COL23A1: variants seen among roughly 807,000 people sequenced by gnomAD.
The protein encoded by COL23A1 is collagen alpha-1(XXIII) chain.
COL23A1 carries 97 observed loss-of-function variants against 99.3 expected under a neutral mutation model. The ratio of observed to expected loss-of-function variants is 0.98; its 90% CI spans 0.83 to 1.16. The LOEUF is 1.16. Ranked by LOEUF, COL23A1 falls within the 50% of genes most tolerant of loss-of-function variation. COL23A1 has a pLI of 0.00. For synonymous variants in COL23A1, 320 were observed against 308.2 expected (o/e 1.04, Z -0.40); for missense variants, 762 against 757.4 (o/e 1.01, Z -0.07).
At chr5:178,311,293 C>G (rs1344267930) in intron 2 of COL23A1, among the ~76,000 whole-genome samples, 1 of 152,118 alleles carries the variant, frequency 6.6e-6, no homozygotes. Context: ...GTTTCCAACT[C>G]GGGAGGATAG....
At chr5:178,462,529 CG>C (rs1181288061) in intron 2 of COL23A1, among the ~76,000 whole-genome samples, 3 of 152,160 alleles carry the variant, frequency 2.0e-5, no homozygotes, top group African/African-American at 7.2e-5. Context: ...TTAAGAGCTT[CG>C]AGTTTCTATA....
intron 2 of COL23A1, among the ~76,000 whole-genome samples, chr5:178,373,745 A>T (rs1440645697): frequency 6.6e-6 from 1 of 152,164 alleles, no homozygotes; most frequent in Non-Finnish European, 1.5e-5. Flanking sequence ...GAAGAGATGA[A>T]TCTGGACAAA....
At chr5:178,569,845 T>C (rs573955516) in intron 1 of COL23A1, among the ~76,000 whole-genome samples, 1 of 152,272 alleles carries the variant, frequency 6.6e-6, no homozygotes, top group East Asian at 1.9e-4. Context: ...CACCCCTTCA[T>C]GCTGCACATC....
chr5:178,300,293 C>T (rs1757963321), intron 3 of COL23A1, among the ~76,000 whole-genome samples: 1 of 150,130 alleles, frequency 6.7e-6, no homozygotes, highest in South Asian at 2.1e-4. Context: ...GTCTTGAACT[C>T]CTGACCTTGT....
At chr5:178,312,750 T>C (rs911663938) in intron 2 of COL23A1, among the ~76,000 whole-genome samples, 5 of 152,246 alleles carry the variant, frequency 3.3e-5, no homozygotes, top group Non-Finnish European at 7.4e-5. Flanking sequence ...TCCTGACTGG[T>C]TGCTCCGCCC....
chr5:178,394,569 G>A (rs1053780477), intron 2 of COL23A1, among the ~76,000 whole-genome samples: 3 of 152,226 alleles, frequency 2.0e-5, no homozygotes, highest in African/African-American at 7.2e-5. Context: ...GCTAAACTGT[G>A]TGGCCTGAAG....
Position 178,495,197 on chromosome 5 carries a change from G to A in COL23A1, c.361+65485C>T, listed in dbSNP as rs118078182. On this transcript the variant is annotated intron_variant, in intron 2 of 28. Coordinates refer to ENST00000390654, the MANE Select transcript of COL23A1 (RefSeq NM_173465.4). ...CTGCACTGCAGGCTCCCTGCACCCC[G>A]CCCATCAGCAGCAGGGCTCCCGGTG... Among the ~76,000 whole-genome samples, 2,162 of 152,304 alleles carry A rather than the reference G, an allele frequency of 0.014. 145 individuals are homozygous for A. The East Asian group carries it at 0.2, about 14-fold the overall frequency.
intron 2 of COL23A1, among the ~76,000 whole-genome samples, chr5:178,534,832 T>C (rs531949462): frequency 6.6e-6 from 1 of 152,150 alleles, no homozygotes; most frequent in South Asian, 2.1e-4. Context: ...ACGACCAGAT[T>C]ACAGTACAGG....
chr5:178,419,359 G>A (rs112484422), intron 2 of COL23A1, among the ~76,000 whole-genome samples: 19 of 152,306 alleles, frequency 1.2e-4, no homozygotes, highest in Non-Finnish European at 2.1e-4. Flanking sequence ...GAGCCAAGGC[G>A]AGCCTCCACC....
At chr5:178,373,388 G>T (rs1418334687) in intron 2 of COL23A1, among the ~76,000 whole-genome samples, 1 of 152,104 alleles carries the variant, frequency 6.6e-6, no homozygotes, top group Non-Finnish European at 1.5e-5. Context: ...GAACCTCCAA[G>T]GTGTCCTGCC....
At chr5:178,413,603 C>G (rs1049256798) in intron 2 of COL23A1, among the ~76,000 whole-genome samples, 1 of 152,200 alleles carries the variant, frequency 6.6e-6, no homozygotes, top group African/African-American at 2.4e-5. Flanking sequence ...GAAAGACAGA[C>G]AGCTGATCAA....
chr5:178,247,670 CGAA>C (rs775704959), intron 21 of COL23A1, 102 bp downstream of exon 21: 172 of 1,550,100 alleles, frequency 1.1e-4, no homozygotes, highest in Non-Finnish European at 1.5e-4. Flanking sequence ...CCTCCCTGAA[CGAA>C]GAAGCCCGCT....
At position 178,479,437 on chromosome 5, in the gene COL23A1, G is replaced by T. The variant is rs186095223; in HGVS notation, c.361+81245C>A. Among the ~76,000 whole-genome samples, 217 of 152,282 alleles carry T rather than the reference G, an allele frequency of 1.4e-3. 1 individual carries two copies. The highest frequency in any genetic ancestry group is 4.7e-3 in the African/African-American group (195 of 41,570). On this transcript the variant is annotated intron_variant, in intron 2 of 28. Coordinates refer to ENST00000390654, the MANE Select transcript of COL23A1 (RefSeq NM_173465.4). Reference sequence around the variant, plus strand: ...TTCTCTTATCACCTGCCATGGAGATGCCGGCTCACCCATGCGCCACAGCGG... The same window carrying T: ...TTCTCTTATCACCTGCCATGGAGATTCCGGCTCACCCATGCGCCACAGCGG...
intron 5 of COL23A1, among the ~76,000 whole-genome samples, chr5:178,284,935 C>G (rs1339497856): frequency 2.0e-5 from 3 of 152,172 alleles, no homozygotes; most frequent in Non-Finnish European, 2.9e-5. Context: ...GAGGACTTAT[C>G]TGTGAGTGGC....
chr5:178,477,930 A>C (rs1263696543), intron 2 of COL23A1, among the ~76,000 whole-genome samples: 1 of 152,162 alleles, frequency 6.6e-6, no homozygotes, highest in Non-Finnish European at 1.5e-5. Flanking sequence ...ACTTAGACAA[A>C]ACTAGACATG....
intron 2 of COL23A1, among the ~76,000 whole-genome samples, chr5:178,412,433 T>C (rs1245142372): frequency 6.6e-6 from 1 of 152,214 alleles, no homozygotes; most frequent in East Asian, 1.9e-4. Flanking sequence ...TTCTTACCAC[T>C]AAATATAAAC....
At chr5:178,239,051 A>G (rs1764253054) in intron 28 of COL23A1, 90 bp downstream of exon 28, 1 of 1,426,750 alleles carries the variant, frequency 7.0e-7, no homozygotes, top group South Asian at 1.1e-5. Flanking sequence ...CAGAGGTTTG[A>G]GTGACAGCAC....
chr5:178,400,722 C>G (rs1448184238), intron 2 of COL23A1, among the ~76,000 whole-genome samples: 1 of 151,880 alleles, frequency 6.6e-6, no homozygotes, highest in African/African-American at 2.4e-5. Context: ...ACTCCAACCT[C>G]TACCTCATGT....
intron 8 of COL23A1, 115 bp downstream of exon 8, chr5:178,267,192 C>T (rs1359687238): frequency 8.5e-7 from 1 of 1,174,016 alleles, no homozygotes; most frequent in South Asian, 1.3e-5. Flanking sequence ...GCCCTCTTGG[C>T]CTCTTTCTGT....
Sources: gnomAD v4.1 joint callset for allele counts (sites outside exome capture counted in the v4.1 genomes callset) on GRCh38, gnomAD v4.1.1 for gene constraint, MANE v1.5 for transcripts, NCBI Gene and HGNC (gene_info 2026-07-23, HGNC 2026-07-21) for gene names.